Variants in ZMYND11 observed in about 807,000 individuals in gnomAD.
ZMYND11 encodes zinc finger MYND domain-containing protein 11.
In ZMYND11, 9 loss-of-function variants were observed where a neutral mutation model predicts 84.9. The observed-to-expected ratio is 0.11, with a 90% CI of 0.06 to 0.18. ZMYND11 has a LOEUF of 0.18. Ranked by LOEUF, ZMYND11 falls within the 10% of genes least tolerant of loss-of-function variation. The probability of loss-of-function intolerance (pLI) is 1.00; values close to 1 mark genes in which losing one functional copy is unlikely to be tolerated. For synonymous variants in ZMYND11, 250 were observed against 244.1 expected (o/e 1.02, Z -0.23); for missense variants, 409 against 761.0 (o/e 0.54, Z 5.44).
At chr10:166,808 C>A (rs781938383) in intron 1 of ZMYND11, among the ~76,000 whole-genome samples, 1 of 152,102 alleles carries the variant, frequency 6.6e-6, no homozygotes, top group Non-Finnish European at 1.5e-5. Context: ...TCACTGCAGT[C>A]TCATTCACAG....
intron 1 of ZMYND11, among the ~76,000 whole-genome samples, chr10:159,113 C>G (rs1178255280): frequency 6.8e-6 from 1 of 146,392 alleles, no homozygotes; most frequent in African/African-American, 2.5e-5. Context: ...TGACATGATC[C>G]CTCTTTTTTT....
At chr10:185,924 T>G (rs1588748362) in intron 2 of ZMYND11, among the ~76,000 whole-genome samples, 1 of 151,548 alleles carries the variant, frequency 6.6e-6, no homozygotes, top group East Asian at 1.9e-4. Context: ...CTGACAGAGG[T>G]AAATCAAAGG....
intron 1 of ZMYND11, among the ~76,000 whole-genome samples, chr10:145,169 T>C (rs563710413): frequency 6.6e-6 from 1 of 150,862 alleles, no homozygotes; most frequent in Admixed American, 6.6e-5. Flanking sequence ...TGTGTGTATA[T>C]ATATGTGTAT....
intron 3 of ZMYND11, among the ~76,000 whole-genome samples, chr10:219,152 C>A (rs1046190499): frequency 6.6e-6 from 1 of 152,090 alleles, no homozygotes; most frequent in African/African-American, 2.4e-5. Flanking sequence ...AATTAAACAC[C>A]CTATCAAAGA....
At chr10:219,018 A>G (rs1946674397) in intron 3 of ZMYND11, among the ~76,000 whole-genome samples, 1 of 152,200 alleles carries the variant, frequency 6.6e-6, no homozygotes, top group African/African-American at 2.4e-5. Context: ...TCCCCAGCCC[A>G]TACTTTCTGT....
intron 2 of ZMYND11, among the ~76,000 whole-genome samples, chr10:182,380 C>T (rs547462761): frequency 6.6e-6 from 1 of 152,334 alleles, no homozygotes; most frequent in East Asian, 1.9e-4. Flanking sequence ...TCTTCATCAG[C>T]ATAGCCTTAA....
intron 3 of ZMYND11, among the ~76,000 whole-genome samples, chr10:214,314 C>G (rs1008764912): frequency 6.6e-6 from 1 of 152,102 alleles, no homozygotes; most frequent in South Asian, 2.1e-4. Context: ...CAGAAGTATA[C>G]GTACTGAGGA....
At chr10:201,902 A>T (rs1333124376) in intron 2 of ZMYND11, among the ~76,000 whole-genome samples, 7 of 152,224 alleles carry the variant, frequency 4.6e-5, no homozygotes, top group African/African-American at 1.7e-4. Flanking sequence ...AAAATAGCAG[A>T]CTAGAAGGCC....
upstream of ZMYND11, among the ~76,000 whole-genome samples, chr10:130,875 G>A (rs781930416): frequency 2.0e-5 from 3 of 152,076 alleles, no homozygotes; most frequent in Non-Finnish European, 4.4e-5. Flanking sequence ...TTCCAGCACT[G>A]GGGAAGCCAA....
At chr10:188,206 C>T (rs933100687) in intron 2 of ZMYND11, among the ~76,000 whole-genome samples, 2 of 152,006 alleles carry the variant, frequency 1.3e-5, no homozygotes, top group Non-Finnish European at 2.9e-5. Context: ...CCTCGTTTTA[C>T]ACATTATAAA....
intron 1 of ZMYND11, among the ~76,000 whole-genome samples, chr10:171,358 C>G (rs1338091128): frequency 6.6e-6 from 1 of 152,094 alleles, no homozygotes; most frequent in African/African-American, 2.4e-5. Context: ...TCAATAATAG[C>G]AGATCACACG....
chr10:161,744 G>A (rs1842980293), intron 1 of ZMYND11, among the ~76,000 whole-genome samples: 1 of 152,024 alleles, frequency 6.6e-6, no homozygotes, highest in South Asian at 2.1e-4. Flanking sequence ...GCTTCCTCAC[G>A]TCTCTCAGCC....
At chr10:232,314 G>C (rs1949140789) in intron 4 of ZMYND11, among the ~76,000 whole-genome samples, 2 of 152,224 alleles carry the variant, frequency 1.3e-5, no homozygotes, top group Admixed American at 1.3e-4. Context: ...TCCTTGAACA[G>C]ACCTGGGACA....
intron 10 of ZMYND11, 87 bp downstream of exon 10, chr10:242,226 GAA>G: frequency 6.7e-7 from 1 of 1,496,236 alleles, no homozygotes. Flanking sequence ...AGAGATGCAT[GAA>G]GTTTATTTTA....
intron 2 of ZMYND11, among the ~76,000 whole-genome samples, chr10:185,824 A>AG (rs1319616077): frequency 6.6e-6 from 1 of 150,600 alleles, no homozygotes; most frequent in East Asian, 2.0e-4. Context: ...AAAAAAACAA[A>AG]AAAACAAAAA....
intron 2 of ZMYND11, among the ~76,000 whole-genome samples, chr10:186,592 G>T (rs948414723): frequency 6.8e-6 from 1 of 147,506 alleles, no homozygotes; most frequent in East Asian, 2.1e-4. Flanking sequence ...GGTGAGCTGA[G>T]CTGAGATCGG....
chr10:153,119 T>G (rs1840817891), intron 1 of ZMYND11, among the ~76,000 whole-genome samples: 1 of 152,238 alleles, frequency 6.6e-6, no homozygotes, highest in South Asian at 2.1e-4. Context: ...TGTACTGATA[T>G]GTTCTCTAGG....
chr10:206,595 G>C (rs1490815134), intron 2 of ZMYND11, among the ~76,000 whole-genome samples: 4 of 151,760 alleles, frequency 2.6e-5, no homozygotes, highest in African/African-American at 4.8e-5. Context: ...CTTCCATCTT[G>C]ACCCCTGCTT....
intron 10 of ZMYND11, among the ~76,000 whole-genome samples, chr10:246,215 CTAA>C (rs1413363106): frequency 2.0e-5 from 3 of 152,308 alleles, no homozygotes; most frequent in African/African-American, 7.2e-5. Flanking sequence ...TCTGGTTTCT[CTAA>C]TGAGTAGAGG....
Sources: gnomAD v4.1 joint callset for allele counts (sites outside exome capture counted in the v4.1 genomes callset) on GRCh38, gnomAD v4.1.1 for gene constraint, MANE v1.5 for transcripts, NCBI Gene and HGNC (gene_info 2026-07-23, HGNC 2026-07-21) for gene names.